The following GRM5 variants were observed in gnomAD, a reference collection of about 807,000 sequenced individuals.
The protein encoded by GRM5 is metabotropic glutamate receptor 5.
GRM5 carries 19 observed loss-of-function variants against 83.1 expected under a neutral mutation model. The ratio of observed to expected loss-of-function variants is 0.23; its 90% CI spans 0.16 to 0.34. The LOEUF is 0.34. Among genes scored for constraint, GRM5 ranks in the 10% least tolerant of loss-of-function variants. The pLI is 1.00. For missense variants in GRM5, 1,160 were observed against 1,588.3 expected (o/e 0.73, Z 4.58); for synonymous variants, 675 against 633.6 (o/e 1.07, Z -0.98).
Position 88,989,505 on chromosome 11 carries a change from G to A in GRM5, c.661+57707C>T, listed in dbSNP as rs906745593. 3.7e-4 allele frequency among the ~76,000 whole-genome samples: 48 copies of A among 128,848 alleles called. 1 individual carries two copies. Among genetic ancestry groups the A allele is most frequent in the Admixed American group, 1.6e-3 (19 of 12,214 alleles). The allele number at this position is 128,848 out of a possible 152,430, so 84.5% of individuals were successfully genotyped here. Reference sequence around the variant, plus strand: ...GGAATTGAACTCAGCTCTGCACCAAGCGGACCTAATAGACATCTACAGAAC... The same window carrying A: ...GGAATTGAACTCAGCTCTGCACCAAACGGACCTAATAGACATCTACAGAAC... On this transcript the variant is annotated intron_variant, in intron 2 of 9. Coordinates refer to ENST00000305447, the MANE Select transcript of GRM5 (RefSeq NM_001143831.3).
chr11:88,735,616 G>A (rs993155749), intron 3 of GRM5, among the ~76,000 whole-genome samples: 4 of 152,076 alleles, frequency 2.6e-5, no homozygotes, highest in African/African-American at 7.2e-5. Context: ...ATCCTGGGCA[G>A]GTAGGCAGCC....
In GRM5 at chr11:88,653,410, G is replaced by C. The variant is rs199918598; in HGVS notation, c.912-7C>G. 9.1e-5 allele frequency: 145 copies of C among 1,594,278 alleles called. No individual in the cohort carries two copies. The East Asian group carries it at 1.2e-3, about 13-fold the overall frequency. ...CCTGTCAGCCCAGCCATCACTGTGG[G>C]GAAATAAAAAAACCCTCAGCTTAGA... is the stretch of plus-strand genomic sequence containing the variant. On this transcript the variant is annotated splice_region_variant and splice_polypyrimidine_tract_variant and intron_variant, in intron 3 of 9. Coordinates refer to ENST00000305447, the MANE Select transcript of GRM5 (RefSeq NM_001143831.3).
At chr11:88,971,383 C>T (rs1939160287) in intron 2 of GRM5, among the ~76,000 whole-genome samples, 1 of 152,064 alleles carries the variant, frequency 6.6e-6, no homozygotes, top group Non-Finnish European at 1.5e-5. Context: ...TTTCATCGCT[C>T]AGATGATGAG....
intron 1 of GRM5, among the ~76,000 whole-genome samples, chr11:89,053,084 C>T (rs539864249): frequency 1.3e-5 from 2 of 152,034 alleles, no homozygotes; most frequent in Non-Finnish European, 2.9e-5. Flanking sequence ...GAAGGGCCAC[C>T]CAGACACAAT....
chr11:88,846,653 C>T (rs2135536494), intron 3 of GRM5, among the ~76,000 whole-genome samples: 1 of 151,986 alleles, frequency 6.6e-6, no homozygotes, highest in East Asian at 1.9e-4. Context: ...AAATGTGGAC[C>T]TTCTAGTAGG....
intron 2 of GRM5, among the ~76,000 whole-genome samples, chr11:88,944,504 T>G (rs1356369559): frequency 6.6e-6 from 1 of 151,978 alleles, no homozygotes; most frequent in East Asian, 1.9e-4. Context: ...ACCCTTTGTG[T>G]GTGTATGGCA....
chr11:88,802,923 C>T (rs1943427777), intron 3 of GRM5, among the ~76,000 whole-genome samples: 1 of 151,242 alleles, frequency 6.6e-6, no homozygotes. Context: ...CATGAGTGAA[C>T]TCTCATTCAC....
intron 2 of GRM5, among the ~76,000 whole-genome samples, chr11:88,859,254 T>C (rs559122136): frequency 6.6e-6 from 1 of 152,210 alleles, no homozygotes; most frequent in East Asian, 1.9e-4. Flanking sequence ...GAACAAGAGC[T>C]AAGAGTATGG....
In GRM5 at chr11:88,508,608, C is replaced by T; in HGVS notation, c.3623G>A (p.Ser1208Asn). The T allele has an allele frequency of 6.2e-7, 1 of 1,608,858 alleles. No individual in the cohort carries two copies. Among genetic ancestry groups the T allele is most frequent in the Non-Finnish European group, 8.5e-7 (1 of 1,177,654 alleles). The change falls in exon 10 of 10, where the codon AGC (serine) becomes AAC (asparagine). Residue 1208 changes from serine (S) to asparagine (N), a missense_variant. Physicochemically the swap from Ser to Asn is conservative, Grantham distance 46. Coordinates refer to ENST00000305447, the MANE Select transcript of GRM5 (RefSeq NM_001143831.3). The surrounding 1 kb of genome is among the most constrained non-coding windows in gnomAD (Gnocchi z 4.2). Reference sequence around the variant, plus strand: ...CAGGGACATTCACAACGACGAGGAGCTCTGAGTGTAATCTCTTATGATAAG... The same window carrying T: ...CAGGGACATTCACAACGACGAGGAGTTCTGAGTGTAATCTCTTATGATAAG... ...DTLIIRDYTQSSSSL is the reference protein window; with the variant it reads ...DTLIIRDYTQNSSSL
intron 2 of GRM5, among the ~76,000 whole-genome samples, chr11:88,855,504 T>C (rs1452170334): frequency 6.6e-6 from 1 of 151,896 alleles, no homozygotes; most frequent in Non-Finnish European, 1.5e-5. Flanking sequence ...ATCTCTGTAA[T>C]TTGTAATTGC....
intron 3 of GRM5, among the ~76,000 whole-genome samples, chr11:88,784,178 G>T (rs541038531): frequency 7.2e-5 from 11 of 152,112 alleles, no homozygotes; most frequent in African/African-American, 2.4e-4. Context: ...AATAAAACAA[G>T]CATGTATCTT....
At chr11:88,928,176 G>A (rs866121597) in intron 2 of GRM5, among the ~76,000 whole-genome samples, 15 of 152,110 alleles carry the variant, frequency 9.9e-5, no homozygotes, top group Middle Eastern at 3.2e-3. Context: ...CAACAAAATT[G>A]ATGAGAAATT....
At chr11:88,667,213 G>A (rs1287810788) in intron 3 of GRM5, among the ~76,000 whole-genome samples, 2 of 151,950 alleles carry the variant, frequency 1.3e-5, no homozygotes, top group African/African-American at 4.8e-5. Context: ...CTGAAACATG[G>A]AAAAACACAA....
intron 2 of GRM5, among the ~76,000 whole-genome samples, chr11:88,872,114 T>G (rs140011329): frequency 0.017 from 2,514 of 151,520 alleles, 45 homozygotes; most frequent in East Asian, 0.068. Context: ...AGGAACAAAT[T>G]AACATTATTA....
intron 8 of GRM5, among the ~76,000 whole-genome samples, chr11:88,550,250 A>G (rs1469116262): frequency 6.6e-6 from 1 of 152,176 alleles, no homozygotes; most frequent in Non-Finnish European, 1.5e-5. Context: ...TGTCAAGTAC[A>G]CTTAATTCTA....
At chr11:88,886,746 C>A (rs1945050019) in intron 2 of GRM5, among the ~76,000 whole-genome samples, 2 of 152,182 alleles carry the variant, frequency 1.3e-5, no homozygotes, top group Admixed American at 1.3e-4. Flanking sequence ...ATCATAATTT[C>A]CTCCTTTCCT....
intron 2 of GRM5, among the ~76,000 whole-genome samples, chr11:89,027,295 C>T (rs1941150211): frequency 6.6e-6 from 1 of 152,042 alleles, no homozygotes; most frequent in Admixed American, 6.6e-5. Context: ...AGGGTTTCAC[C>T]ATGTTGCACA....
At chr11:88,650,595 G>A (rs954049506) in intron 4 of GRM5, among the ~76,000 whole-genome samples, 2 of 151,970 alleles carry the variant, frequency 1.3e-5, no homozygotes, top group African/African-American at 2.4e-5. Flanking sequence ...GGGAAGAAAT[G>A]TTCAATTGAT....
At chr11:88,939,555 G>A (rs759758934) in intron 2 of GRM5, among the ~76,000 whole-genome samples, 2 of 151,682 alleles carry the variant, frequency 1.3e-5, no homozygotes, top group South Asian at 4.1e-4. Context: ...GCCTTTTAAC[G>A]ATATTTACCG....
Sources: allele counts gnomAD v4.1 joint callset (sites outside exome capture counted in the v4.1 genomes callset), GRCh38; gene constraint gnomAD v4.1.1; non-coding constraint Gnocchi (gnomAD v3.1); transcripts MANE v1.5; gene names NCBI Gene and HGNC (gene_info 2026-07-23, HGNC 2026-07-21).